Variants in DNAJC1 observed in about 807,000 individuals in gnomAD.
The protein encoded by DNAJC1 is DnaJ heat shock protein family (Hsp40) member C1.
In DNAJC1, 58 loss-of-function variants were observed where a neutral mutation model predicts 76.6. The ratio of observed to expected loss-of-function variants is 0.76; its 90% CI spans 0.61 to 0.94. The LOEUF (loss-of-function observed/expected upper bound fraction) is 0.94. DNAJC1 is among the 40% of genes least tolerant of loss of function. The pLI is 0.00. For synonymous variants in DNAJC1, 258 were observed against 267.9 expected (o/e 0.96, Z 0.36); for missense variants, 689 against 677.3 (o/e 1.02, Z -0.19).
At chr10:21,978,931 C>T (rs1369269068) in intron 1 of DNAJC1, among the ~76,000 whole-genome samples, 1 of 151,898 alleles carries the variant, frequency 6.6e-6, no homozygotes, top group South Asian at 2.1e-4. Flanking sequence ...GAGGTGTAAT[C>T]GGTTACTCAG....
chr10:21,963,090 T>A (rs557693469), intron 1 of DNAJC1, among the ~76,000 whole-genome samples: 28 of 152,340 alleles, frequency 1.8e-4, no homozygotes, highest in Non-Finnish European at 2.8e-4. Context: ...TTCTTTGTGG[T>A]TCTTCCTGAT....
rs574641079 is a variant in DNAJC1 at position 21,902,535 on chromosome 10, C to T, written c.820+1987G>A. On this transcript the variant is annotated intron_variant, in intron 7 of 11. Transcript: ENST00000376980. ...GTCCAGGTGGGTCTCGAACTCCTGACCTCTGGTGATCCGCCTGTCTTGGCC... is the reference window on the plus strand; with the variant it reads ...GTCCAGGTGGGTCTCGAACTCCTGATCTCTGGTGATCCGCCTGTCTTGGCC... Among the ~76,000 whole-genome samples the T allele has an allele frequency of 1.3e-3, 205 of 152,242 alleles. 1 individual carries two copies. The highest frequency in any genetic ancestry group is 4.6e-3 in the African/African-American group (193 of 41,546).
chr10:21,900,578 T>C (rs1335743512), intron 7 of DNAJC1, among the ~76,000 whole-genome samples: 1 of 152,178 alleles, frequency 6.6e-6, no homozygotes, highest in Non-Finnish European at 1.5e-5. Context: ...TATTCAAATA[T>C]CCTAGGATAT....
At chr10:21,936,513 T>C (rs558911958) in intron 1 of DNAJC1, among the ~76,000 whole-genome samples, 49 of 152,190 alleles carry the variant, frequency 3.2e-4, no homozygotes, top group Non-Finnish European at 6.2e-4. Context: ...TAAATCTATG[T>C]CTATGGCAGA....
At chr10:21,866,214 G>C (rs999825842) in intron 8 of DNAJC1, among the ~76,000 whole-genome samples, 3 of 148,642 alleles carry the variant, frequency 2.0e-5, no homozygotes, top group African/African-American at 7.5e-5. Context: ...TAATATGACA[G>C]ATCTAAAGTA....
intron 1 of DNAJC1, among the ~76,000 whole-genome samples, chr10:21,970,548 G>A (rs1013484034): frequency 2.6e-5 from 4 of 151,936 alleles, no homozygotes; most frequent in Non-Finnish European, 5.9e-5. Context: ...TTGCAATCCT[G>A]TTCAAATATT....
intron 8 of DNAJC1, among the ~76,000 whole-genome samples, chr10:21,879,599 G>A (rs1836239330): frequency 6.6e-6 from 1 of 152,048 alleles, no homozygotes; most frequent in South Asian, 2.1e-4. Context: ...ACTCCAGCCT[G>A]GGCGACAGAG....
intron 8 of DNAJC1, among the ~76,000 whole-genome samples, chr10:21,863,571 C>A (rs1254160568): frequency 6.6e-6 from 1 of 151,884 alleles, no homozygotes; most frequent in African/African-American, 2.4e-5. Context: ...AATTATAGAC[C>A]AATATGTACA....
chr10:21,842,012 A>C (rs1291819552), intron 8 of DNAJC1, among the ~76,000 whole-genome samples: 2 of 148,114 alleles, frequency 1.4e-5, no homozygotes, highest in East Asian at 2.0e-4. Flanking sequence ...AAACCAAACA[A>C]CGCATGTTCT....
At chr10:21,959,398 G>A (rs1286196590) in intron 1 of DNAJC1, among the ~76,000 whole-genome samples, 2 of 152,052 alleles carry the variant, frequency 1.3e-5, no homozygotes, top group Non-Finnish European at 2.9e-5. Flanking sequence ...AAAGTGCTAG[G>A]AGTACAGGTA....
At chr10:21,784,255 C>A (rs1051183394) in intron 9 of DNAJC1, among the ~76,000 whole-genome samples, 5 of 152,202 alleles carry the variant, frequency 3.3e-5, no homozygotes, top group African/African-American at 1.2e-4. Flanking sequence ...TGAACAGACA[C>A]TTCTCAAAAG....
At chr10:21,794,367 T>C (rs1352857912) in intron 9 of DNAJC1, among the ~76,000 whole-genome samples, 1 of 151,978 alleles carries the variant, frequency 6.6e-6, no homozygotes, top group East Asian at 1.9e-4. Context: ...GAACCAGATT[T>C]GCATATTGAA....
chr10:21,804,685 A>C (rs1834862630), intron 9 of DNAJC1, among the ~76,000 whole-genome samples: 1 of 151,954 alleles, frequency 6.6e-6, no homozygotes, highest in Non-Finnish European at 1.5e-5. Context: ...AAAGTTACAA[A>C]ATACTTCAGC....
chr10:21,829,869 T>C (rs1336044241), intron 8 of DNAJC1, among the ~76,000 whole-genome samples: 2 of 152,244 alleles, frequency 1.3e-5, no homozygotes, highest in Non-Finnish European at 2.9e-5. Flanking sequence ...TCTCTTTTCA[T>C]ATGTTCTTTC....
At chr10:21,956,954 C>T (rs1444977474) in intron 1 of DNAJC1, among the ~76,000 whole-genome samples, 5 of 149,378 alleles carry the variant, frequency 3.3e-5, no homozygotes, top group Admixed American at 6.7e-5. Context: ...TACAGTGCAG[C>T]GATCTCGGCT....
intron 8 of DNAJC1, among the ~76,000 whole-genome samples, chr10:21,812,292 C>A (rs997663698): frequency 2.0e-5 from 3 of 151,668 alleles, no homozygotes; most frequent in African/African-American, 7.3e-5. Context: ...CTCCTGACCT[C>A]GTGATCTGCC....
At chr10:21,948,757 C>T (rs1314263258) in intron 1 of DNAJC1, among the ~76,000 whole-genome samples, 1 of 152,086 alleles carries the variant, frequency 6.6e-6, no homozygotes, top group African/African-American at 2.4e-5. Flanking sequence ...GATTTTAGAA[C>T]GTATCCCCTA....
intron 6 of DNAJC1, among the ~76,000 whole-genome samples, chr10:21,914,554 CTAAA>C (rs1286150479): frequency 2.0e-5 from 3 of 152,094 alleles, no homozygotes; most frequent in Non-Finnish European, 4.4e-5. Flanking sequence ...TTTATTCTGT[CTAAA>C]TATTCTTTTT....
At chr10:21,959,684 G>GC (rs763493818) in intron 1 of DNAJC1, among the ~76,000 whole-genome samples, 195 of 151,558 alleles carry the variant, frequency 1.3e-3, no homozygotes, top group Non-Finnish European at 2.3e-3. Flanking sequence ...TACCCGGGAG[G>GC]CCAAGGCAGG....
Sources: gnomAD v4.1 joint callset for allele counts (sites outside exome capture counted in the v4.1 genomes callset) on GRCh38, gnomAD v4.1.1 for gene constraint, MANE v1.5 for transcripts, NCBI Gene and HGNC (gene_info 2026-07-23, HGNC 2026-07-21) for gene names.